LRRC69: variants seen among roughly 807,000 people sequenced by gnomAD.
LRRC69 encodes leucine rich repeat containing 69.
In LRRC69, 42 loss-of-function variants were observed where a neutral mutation model predicts 37.8. That is an observed-to-expected ratio of 1.11 (90% CI 0.87 to 1.44). The LOEUF is 1.44. Ranked by LOEUF, LRRC69 falls within the 40% of genes most tolerant of loss-of-function variation. The pLI is 0.00. For missense variants in LRRC69, 357 were observed against 401.9 expected, an observed-to-expected ratio of 0.89 and a Z score of 0.96; for synonymous variants, 141 against 143.1, an observed-to-expected ratio of 0.99 and a Z score of 0.11.
At chr8:91,123,774 A>C (rs1254816813) in intron 1 of LRRC69, among the ~76,000 whole-genome samples, 1 of 152,012 alleles carries the variant, frequency 6.6e-6, no homozygotes, top group African/African-American at 2.4e-5. Context: ...AAAGAATATT[A>C]CTATATTTTT....
rs577494073 is a variant in LRRC69 at position 91,158,466 on chromosome 8, T to C, written c.651+22727T>C. On this transcript the variant is annotated intron_variant, in intron 5 of 7. Transcript: ENST00000448384. ...AAAATGCATGCTGTTAATGGAAGAATGTTTGGAAACCCACAAGGCCTCACA... is the reference window on the plus strand; with the variant it reads ...AAAATGCATGCTGTTAATGGAAGAACGTTTGGAAACCCACAAGGCCTCACA... 2.4e-6 allele frequency: 3 copies of C among 1,256,298 alleles called. No individual in the cohort carries two copies. In the South Asian group the frequency reaches 3.6e-5, roughly 15 times the overall value. 77.8% of individuals were successfully genotyped at this position (1,256,298 alleles called of 1,614,324 possible). A position where few individuals can be genotyped will look rare whatever the true frequency, so the allele number is the denominator to read the frequency against.
intron 5 of LRRC69, among the ~76,000 whole-genome samples, chr8:91,144,707 AGCATATC>A (rs5893161): frequency 0.03 from 4,595 of 152,070 alleles, 206 homozygotes; most frequent in East Asian, 0.21. Context: ...CACCAGTCTA[AGCATATC>A]TTGCTATGGT....
At chr8:91,177,260 G>A (rs1312674327) in intron 5 of LRRC69, among the ~76,000 whole-genome samples, 1 of 152,018 alleles carries the variant, frequency 6.6e-6, no homozygotes, top group African/African-American at 2.4e-5. Flanking sequence ...TCTAAAAAGG[G>A]TAAATGTTAT....
intron 5 of LRRC69, among the ~76,000 whole-genome samples, chr8:91,177,638 A>G (rs1283210420): frequency 6.6e-6 from 1 of 152,152 alleles, no homozygotes; most frequent in Admixed American, 6.6e-5. Flanking sequence ...TAACAAATCT[A>G]TTTGGAATGT....
At chr8:91,152,920 A>G (rs189645821) in intron 5 of LRRC69, among the ~76,000 whole-genome samples, 2 of 151,470 alleles carry the variant, frequency 1.3e-5, no homozygotes, top group African/African-American at 4.8e-5. Context: ...CAATTAAAAG[A>G]CACAGACTGA....
chr8:91,123,846 C>T (rs141573181), intron 1 of LRRC69, among the ~76,000 whole-genome samples: 5 of 152,036 alleles, frequency 3.3e-5, no homozygotes, highest in African/African-American at 9.6e-5. Flanking sequence ...TTTTAACTCC[C>T]GTTATGTGCA....
chr8:91,163,903 A>G (rs905306958), intron 5 of LRRC69, among the ~76,000 whole-genome samples: 3 of 151,374 alleles, frequency 2.0e-5, no homozygotes, highest in South Asian at 4.1e-4. Flanking sequence ...TTAGAGGATA[A>G]TGGAATATAT....
chr8:91,112,324 C>A (rs1813422690), intron 1 of LRRC69, among the ~76,000 whole-genome samples: 1 of 152,074 alleles, frequency 6.6e-6, no homozygotes, highest in South Asian at 2.1e-4. Flanking sequence ...CCAAACATGC[C>A]CATGTGCTGG....
At chr8:91,104,257 T>C (rs1252248408) in intron 1 of LRRC69, among the ~76,000 whole-genome samples, 1 of 152,000 alleles carries the variant, frequency 6.6e-6, no homozygotes, top group Non-Finnish European at 1.5e-5. Flanking sequence ...TCAGCCTTTG[T>C]AATCCACCTT....
intron 5 of LRRC69, among the ~76,000 whole-genome samples, chr8:91,152,467 A>G (rs767423854): frequency 6.6e-6 from 1 of 151,404 alleles, no homozygotes; most frequent in Non-Finnish European, 1.5e-5. Context: ...TGAGATGTCT[A>G]TTCTGTTCCC....
At chr8:91,115,313 G>T (rs1005806137) in intron 1 of LRRC69, among the ~76,000 whole-genome samples, 6 of 151,926 alleles carry the variant, frequency 3.9e-5, no homozygotes, top group Non-Finnish European at 2.9e-5. Context: ...ATTTTATTCA[G>T]AGGTTGAAAA....
At chr8:91,190,487 A>T (rs1204354120) in intron 6 of LRRC69, among the ~76,000 whole-genome samples, 1 of 152,144 alleles carries the variant, frequency 6.6e-6, no homozygotes, top group African/African-American at 2.4e-5. Context: ...ATGCTCTATG[A>T]CATTTATTCT....
chr8:91,196,423 A>G (rs1025495798), intron 6 of LRRC69, among the ~76,000 whole-genome samples: 2 of 151,816 alleles, frequency 1.3e-5, no homozygotes, highest in Non-Finnish European at 2.9e-5. Flanking sequence ...TCTCCTGGAT[A>G]ATATCCTGCA....
intron 5 of LRRC69, among the ~76,000 whole-genome samples, chr8:91,164,764 T>C (rs556223945): frequency 1.3e-5 from 2 of 151,864 alleles, no homozygotes; most frequent in South Asian, 4.1e-4. Context: ...AAGGTACTTT[T>C]CTCAATTTCA....
intron 5 of LRRC69, among the ~76,000 whole-genome samples, chr8:91,182,985 C>T (rs1021741059): frequency 6.6e-6 from 1 of 152,036 alleles, no homozygotes; most frequent in East Asian, 1.9e-4. Flanking sequence ...GAAGAACGAA[C>T]AACAATCAGT....
chr8:91,153,003 A>G (rs1291039094), intron 5 of LRRC69, among the ~76,000 whole-genome samples: 2 of 151,440 alleles, frequency 1.3e-5, no homozygotes, highest in Non-Finnish European at 3.0e-5. Flanking sequence ...CAAGATACAC[A>G]TAGGCTCAAA....
intron 1 of LRRC69, among the ~76,000 whole-genome samples, chr8:91,107,169 C>T (rs905091481): frequency 2.0e-5 from 3 of 151,364 alleles, no homozygotes; most frequent in African/African-American, 7.3e-5. Context: ...GAGTCTTGCT[C>T]TGTCACCCAG....
At chr8:91,149,949 T>TG (rs1251601907) in intron 5 of LRRC69, among the ~76,000 whole-genome samples, 1 of 152,076 alleles carries the variant, frequency 6.6e-6, no homozygotes, top group Non-Finnish European at 1.5e-5. Flanking sequence ...CCTGAGACTT[T>TG]GCTGAAGTTG....
At chr8:91,215,006 G>A (rs559831935) in intron 7 of LRRC69, among the ~76,000 whole-genome samples, 2 of 152,084 alleles carry the variant, frequency 1.3e-5, no homozygotes, top group East Asian at 3.9e-4. Flanking sequence ...AGTATTGGCT[G>A]ATCTAGGCCT....
Sources: gnomAD v4.1 joint callset for allele counts (sites outside exome capture counted in the v4.1 genomes callset) on GRCh38, gnomAD v4.1.1 for gene constraint, MANE v1.5 for transcripts, NCBI Gene and HGNC (gene_info 2026-07-23, HGNC 2026-07-21) for gene names.